Variants in AACS observed in about 807,000 individuals in gnomAD.
AACS encodes acetoacetate-CoA ligase.
A neutral mutation model predicts 83.1 loss-of-function variants in AACS; 69 were observed. The ratio of observed to expected loss-of-function variants is 0.83; its 90% CI spans 0.68 to 1.01. AACS has a LOEUF of 1.01. AACS is among the 50% of genes least tolerant of loss of function. The pLI is 0.00. For synonymous variants in AACS, 333 were observed against 343.4 expected, an observed-to-expected ratio of 0.97 and a Z score of 0.33; for missense variants, 866 against 882.2, an observed-to-expected ratio of 0.98 and a Z score of 0.23.
chr12:125,122,661 G>A (rs1469491224), intron 10 of AACS: 2 of 125,542 alleles, frequency 1.6e-5, no homozygotes, highest in Non-Finnish European at 1.7e-5. Flanking sequence ...AAAAAAAAAA[G>A]GCAGTGTAGC....
rs1035485325 is a variant in AACS, at chr12:125,140,471, G to A, written c.1882-1621G>A. 6.6e-5 allele frequency: 10 copies of A among 152,346 alleles called. No homozygotes were observed. Among genetic ancestry groups the A allele is most frequent in the African/African-American group, 1.9e-4 (8 of 41,572 alleles). The allele number at this position is 152,346 out of a possible 1,614,324, so 9.4% of individuals were successfully genotyped here. On this transcript the variant is annotated intron_variant, in intron 17 of 17. Coordinates refer to ENST00000316519, the MANE Select transcript of AACS (RefSeq NM_023928.5). The surrounding 1 kb of genome is among the most constrained non-coding windows in gnomAD (Gnocchi z 5.1). ...TAGCAGGGCACAGAGCAGGCGAGACGTTTGCATCTCACAGCGGGAGGGCCG... is the reference window on the plus strand; with the variant it reads ...TAGCAGGGCACAGAGCAGGCGAGACATTTGCATCTCACAGCGGGAGGGCCG...
Position 125,115,898 on chromosome 12 carries a change from C to A in AACS, c.996+1341C>A, listed in dbSNP as rs189937538. 2.6e-5 allele frequency among the ~76,000 whole-genome samples: 4 copies of A among 152,014 alleles called. No individual in the cohort carries two copies. In the East Asian group the frequency reaches 7.7e-4, roughly 29 times the overall value. ...TCAGACCCCTGAGACCTCACACATACACCCGTGCAGGGGACAGACCCCTGG... is the reference window on the plus strand; with the variant it reads ...TCAGACCCCTGAGACCTCACACATAAACCCGTGCAGGGGACAGACCCCTGG... On this transcript the variant is annotated intron_variant, in intron 9 of 17. Transcript: ENST00000316519.
intron 9 of AACS, chr12:125,118,230 C>G: frequency 5.0e-6 from 1 of 200,208 alleles, no homozygotes; most frequent in South Asian, 8.0e-5. Context: ...CAGTCCAGAC[C>G]TCATTCTGTT....
intron 17 of AACS, among the ~76,000 whole-genome samples, chr12:125,137,563 A>C (rs1053789316): frequency 2.6e-5 from 4 of 152,008 alleles, no homozygotes; most frequent in South Asian, 2.1e-4. Context: ...ACAAGACTTG[A>C]CTCTTTTTAG....
chr12:125,114,234 T>C (rs924942848), intron 8 of AACS, among the ~76,000 whole-genome samples: 3 of 149,040 alleles, frequency 2.0e-5, no homozygotes, highest in African/African-American at 7.4e-5. Context: ...CAGACAGGAG[T>C]GTCAGGGTTT....
intron 10 of AACS, chr12:125,124,443 AGCGACTGTTTTATGTGAC>A: frequency 1.9e-6 from 1 of 522,050 alleles, no homozygotes; most frequent in Non-Finnish European, 3.4e-6. Context: ...GGTTCGGGTG[AGCGACTGTTTTATGTGAC>A]GCCTCGTGGT....
intron 3 of AACS, chr12:125,078,480 A>G (rs993056326): frequency 1.9e-5 from 7 of 377,006 alleles, no homozygotes; most frequent in South Asian, 3.9e-5. Context: ...TGCCCTTTGC[A>G]TGCCCACCTG....
rs1192126577 is a variant in AACS at position 125,128,166 on chromosome 12, A to G, written c.1315A>G (p.Thr439Ala). 6.2e-7 allele frequency: 1 copy of G among 1,609,280 alleles called. No individual in the cohort carries two copies. The highest frequency in any genetic ancestry group is 8.5e-7 in the Non-Finnish European group (1 of 1,176,664). Reference sequence around the variant, plus strand: ...CCCTTTGCCATTGCTTGCAGGAGGCACCGACATCATCTCCTGCTTCATGGG... The same window carrying G: ...CCCTTTGCCATTGCTTGCAGGAGGCGCCGACATCATCTCCTGCTTCATGGG... ...SILLGSISGG[T>A]DIISCFMGHN... Residue 439 changes from threonine (T) to alanine (A), a missense_variant, in exon 13 of 18, where the codon ACC becomes GCC. Transcript: ENST00000316519.
At chr12:125,111,250 C>T (rs1333368699) in intron 8 of AACS, among the ~76,000 whole-genome samples, 1 of 134,074 alleles carries the variant, frequency 7.5e-6, no homozygotes, top group Non-Finnish European at 1.6e-5. Flanking sequence ...CACCTGGGTG[C>T]AGGTCTGTGA....
chr12:125,135,329 A>C (rs1957386620), intron 16 of AACS, among the ~76,000 whole-genome samples: 1 of 151,970 alleles, frequency 6.6e-6, no homozygotes, highest in African/African-American at 2.4e-5. Flanking sequence ...TCCTGACCTC[A>C]AGTGATCCGC....
chr12:125,114,808 GGC>G (rs1957025149), intron 9 of AACS, among the ~76,000 whole-genome samples: 2 of 150,456 alleles, frequency 1.3e-5, no homozygotes, highest in Non-Finnish European at 3.0e-5. Flanking sequence ...GCCGGCCCGT[GGC>G]ACATGGTAAG....
chr12:125,136,779 T>C lies in AACS; in HGVS notation c.1796T>C (p.Leu599Ser), dbSNP rs1006837795. ...TCCGGGCACGCCTTCCAGCCTGACT[T>C]GGTTAAGAGGATCCGTGACGCCATC... ...MASGHAFQPD[L>S]VKRIRDAIRM... is the part of the protein sequence containing the mutation. Residue 599 changes from leucine (L) to serine (S), a missense_variant, in exon 17 of 18, where the codon TTG becomes TCG. Physicochemically the swap from Leu to Ser is moderately radical, Grantham distance 145 (BLOSUM62 -2). Transcript: ENST00000316519. 10 of 1,614,068 alleles carry C rather than the reference T, an allele frequency of 6.2e-6. No individual in the cohort carries two copies. The highest frequency in any genetic ancestry group is 7.6e-6 in the Non-Finnish European group (9 of 1,180,030).
intron 14 of AACS, among the ~76,000 whole-genome samples, chr12:125,133,767 G>A (rs1957360279): frequency 6.6e-6 from 1 of 152,250 alleles, no homozygotes; most frequent in South Asian, 2.1e-4. Flanking sequence ...CCTTGCTGGT[G>A]CCTGAGGAGC....
chr12:125,091,537 T>C lies in AACS; in HGVS notation c.570+14T>C. 2 of 1,613,656 alleles carry C rather than the reference T, an allele frequency of 1.2e-6. No individual in the cohort carries two copies. The highest frequency in any genetic ancestry group is 1.7e-6 in the Non-Finnish European group (2 of 1,179,538). On this transcript the variant is annotated intron_variant, in intron 5 of 17. Coordinates refer to ENST00000316519, the MANE Select transcript of AACS (RefSeq NM_023928.5). ...TTCGGTGTGAATGTGAGTCAGGGTC[T>C]GTGACAGAGGGGGCACCCCTTGCCC...
chr12:125,133,497 T>C (rs1435415965), intron 14 of AACS, among the ~76,000 whole-genome samples: 1 of 152,214 alleles, frequency 6.6e-6, no homozygotes, highest in Non-Finnish European at 1.5e-5. Flanking sequence ...TCTCTGTCCA[T>C]GTGGCTAATG....
chr12:125,070,481 A>G (rs1297565676), intron 1 of AACS, among the ~76,000 whole-genome samples: 4 of 152,188 alleles, frequency 2.6e-5, no homozygotes, highest in Admixed American at 6.6e-5. Flanking sequence ...CCTGGGCAGA[A>G]GAGTAAGATC....
intron 12 of AACS, chr12:125,125,675 A>C (rs145461640): frequency 6.6e-6 from 1 of 152,368 alleles, no homozygotes; most frequent in African/African-American, 2.4e-5. Context: ...ATATTGCCAC[A>C]TTGTTTATAT....
chr12:125,128,550 A>C (rs1440739051), intron 13 of AACS: 1 of 273,602 alleles, frequency 3.7e-6, no homozygotes, highest in Non-Finnish European at 6.8e-6. Flanking sequence ...ATTGCCCTGC[A>C]TCTGAACCCT....
In AACS at chr12:125,142,578, C is replaced by T. The variant is rs909394338; in HGVS notation, c.*349C>T. The T allele has an allele frequency of 7.3e-5, 15 of 205,100 alleles. No individual in the cohort carries two copies. The highest frequency in any genetic ancestry group is 1.1e-4 in the Admixed American group (2 of 18,126). The allele number at this position is 205,100 out of a possible 1,614,324, so 12.7% of individuals were successfully genotyped here. A position where few individuals can be genotyped will look rare whatever the true frequency, so the allele number is the denominator to read the frequency against. ...GCCAAGGTCTTGTCTTCAACCTCCC[C>T]GTCCCGTTGTCCCATTTTGCTCTGT... On this transcript the variant is annotated 3_prime_UTR_variant, in exon 18 of 18. Coordinates refer to ENST00000316519, the MANE Select transcript of AACS (RefSeq NM_023928.5).
Sources: gnomAD v4.1 joint callset for allele counts (sites outside exome capture counted in the v4.1 genomes callset) on GRCh38, gnomAD v4.1.1 for gene constraint, Gnocchi (gnomAD v3.1) non-coding constraint, MANE v1.5 for transcripts, NCBI Gene and HGNC (gene_info 2026-07-23, HGNC 2026-07-21) for gene names.